Variants in SENP7 observed in about 807,000 individuals in gnomAD.
SENP7 encodes the protein sentrin-specific protease 7.
A neutral mutation model predicts 141.2 loss-of-function variants in SENP7; 64 were observed. That is an observed-to-expected ratio of 0.45 (90% CI 0.37 to 0.56). The LOEUF is 0.56. SENP7 is among the 20% of genes least tolerant of loss of function. SENP7 has a pLI of 0.00. For missense variants in SENP7, 1,025 were observed against 1,212.2 expected (o/e 0.85, Z 2.29); for synonymous variants, 382 against 426.4 (o/e 0.90, Z 1.28).
chr3:101,418,562 AGTG>A (rs1559796313), intron 4 of SENP7, among the ~76,000 whole-genome samples: 1 of 152,132 alleles, frequency 6.6e-6, no homozygotes, highest in Non-Finnish European at 1.5e-5. Context: ...TAATCAGAAG[AGTG>A]TCTATTTTAC....
chr3:101,469,830 CAAA>C, intron 3 of SENP7, among the ~76,000 whole-genome samples: 1 of 24,734 alleles, frequency 4.0e-5, no homozygotes, highest in African/African-American at 1.5e-4. Flanking sequence ...GACTCCGTCT[CAAA>C]AAAAAAAAAA....
chr3:101,473,571 T>TGGGGTTG (rs1184318580), intron 3 of SENP7, among the ~76,000 whole-genome samples: 1 of 152,234 alleles, frequency 6.6e-6, no homozygotes, highest in Non-Finnish European at 1.5e-5. Context: ...CTTGGCCCAC[T>TGGGGTTG]TTATAATGGG....
At chr3:101,384,852 G>C (rs546102563) in intron 6 of SENP7, among the ~76,000 whole-genome samples, 10 of 152,236 alleles carry the variant, frequency 6.6e-5, no homozygotes, top group African/African-American at 2.4e-4. Flanking sequence ...GCTTCCTGAG[G>C]TCTCCCCAGA....
At chr3:101,380,419 C>T (rs1166270893) in intron 6 of SENP7, among the ~76,000 whole-genome samples, 4 of 99,326 alleles carry the variant, frequency 4.0e-5, no homozygotes, top group Non-Finnish European at 5.8e-5. Context: ...TCTTCTAGAA[C>T]GTAAAGCAAA....
At chr3:101,355,270 C>T (rs1244873186) in intron 11 of SENP7, among the ~76,000 whole-genome samples, 1 of 152,148 alleles carries the variant, frequency 6.6e-6, no homozygotes, top group Admixed American at 6.6e-5. Context: ...ACATCCTCGT[C>T]ATGAAATCTT....
At chr3:101,373,381 C>G (rs894154441) in intron 6 of SENP7, among the ~76,000 whole-genome samples, 1 of 151,772 alleles carries the variant, frequency 6.6e-6, no homozygotes, top group East Asian at 1.9e-4. Context: ...AAAATGAAAA[C>G]CAAAAGAGAA....
At chr3:101,383,775 AGCATGAACTGCCTG>A (rs2060574082) in intron 6 of SENP7, among the ~76,000 whole-genome samples, 1 of 152,204 alleles carries the variant, frequency 6.6e-6, no homozygotes, top group Non-Finnish European at 1.5e-5. Flanking sequence ...GGCACCCCTC[AGCATGAACTGCCTG>A]GGCACTGGGG....
intron 3 of SENP7, among the ~76,000 whole-genome samples, chr3:101,485,142 C>G (rs1255081781): frequency 6.6e-6 from 1 of 151,966 alleles, no homozygotes; most frequent in East Asian, 1.9e-4. Flanking sequence ...CACGCCTAGC[C>G]CCACCTCCAC....
intron 2 of SENP7, among the ~76,000 whole-genome samples, chr3:101,496,851 T>C (rs1008153915): frequency 6.6e-6 from 1 of 152,218 alleles, no homozygotes; most frequent in African/African-American, 2.4e-5. Flanking sequence ...GTGCTGGGAT[T>C]ATAGGCATGA....
chr3:101,453,251 C>G (rs2107841870), intron 4 of SENP7, among the ~76,000 whole-genome samples: 1 of 152,332 alleles, frequency 6.6e-6, no homozygotes, highest in Middle Eastern at 3.4e-3. Flanking sequence ...AACTGGAATA[C>G]TTTTACACTG....
In SENP7 at chr3:101,459,059, A is replaced by G. The variant is rs2063460626; in HGVS notation, c.187-7T>C. On this transcript the variant is annotated splice_region_variant and splice_polypyrimidine_tract_variant and intron_variant, in intron 3 of 23. Coordinates refer to ENST00000394095, the MANE Select transcript of SENP7 (RefSeq NM_020654.5). ...TCCTTAGGCTTCTTTCCCACTAGGA[A>G]AAAAAAAATGAAATTTTAATAATAA... 1 of 1,472,192 alleles carries G rather than the reference A, an allele frequency of 6.8e-7. No homozygotes were observed. 91.2% of individuals were successfully genotyped at this position (1,472,192 alleles called of 1,614,324 possible). A position where few individuals can be genotyped will look rare whatever the true frequency, so the allele number is the denominator to read the frequency against.
chr3:101,459,019 G>A lies in SENP7; in HGVS notation c.220C>T (p.Leu74=), dbSNP rs2063457788. The A allele has an allele frequency of 6.9e-6, 11 of 1,605,302 alleles. No homozygotes were observed. Among genetic ancestry groups the A allele is most frequent in the Non-Finnish European group, 9.4e-6 (11 of 1,175,224 alleles). The stretch of plus-strand genomic sequence containing the variant: ...ATATGTTTTTTATTTTTATGGTCTA[G>A]AGAGATGACTTTATTCCTTAGGCTT... The part of the protein sequence containing the change: ...ERSLRNKVIS[L]DHKNKKHIRG... The change falls in exon 4 of 24, where the codon CTA becomes TTA. Residue 74 remains leucine, a synonymous_variant. Coordinates refer to ENST00000394095, the MANE Select transcript of SENP7 (RefSeq NM_020654.5).
chr3:101,364,825 A>G lies in SENP7; in HGVS notation c.1476+9T>C, dbSNP rs2059993523. ...ATTGTTAATCTATGAGAAGACAGAA[A>G]TAAATTACCTGTACAGATTCACATG... is the stretch of plus-strand genomic sequence containing the variant. On this transcript the variant is annotated intron_variant, in intron 10 of 23. Coordinates refer to ENST00000394095, the MANE Select transcript of SENP7 (RefSeq NM_020654.5). 1.2e-5 allele frequency: 19 copies of G among 1,551,288 alleles called. No individual in the cohort carries two copies. The highest frequency in any genetic ancestry group is 3.8e-5 in the Admixed American group (2 of 52,992).
chr3:101,461,300 C>A (rs901468277), intron 3 of SENP7, among the ~76,000 whole-genome samples: 2 of 151,966 alleles, frequency 1.3e-5, no homozygotes, highest in Non-Finnish European at 2.9e-5. Flanking sequence ...AATGTCCACA[C>A]CAAATGAAGA....
chr3:101,445,761 T>C (rs2062866581), intron 4 of SENP7, among the ~76,000 whole-genome samples: 1 of 151,988 alleles, frequency 6.6e-6, no homozygotes, highest in African/African-American at 2.4e-5. Context: ...TCAGACAAAA[T>C]AGACATTCAG....
In SENP7 at chr3:101,366,717, T is replaced by C. The variant is rs1188820607; in HGVS notation, c.1031A>G (p.Glu344Gly). ...TISTEFEKPS[E>G]NYHQDPKLPE... Reference sequence around the variant, plus strand: ...CAGTTTTGGATCCTGATGATAGTTTTCACTTGGCTTTTCAAACTCAGTGGA... The same window carrying C: ...CAGTTTTGGATCCTGATGATAGTTTCCACTTGGCTTTTCAAACTCAGTGGA... The change falls in exon 9 of 24, where the codon GAA becomes GGA. Residue 344 changes from glutamate (E) to glycine (G), a missense_variant. Coordinates refer to ENST00000394095, the MANE Select transcript of SENP7 (RefSeq NM_020654.5). The C allele has an allele frequency of 6.2e-7, 1 of 1,611,546 alleles. No individual in the cohort carries two copies.
chr3:101,512,899 G>A lies in SENP7; in HGVS notation c.40+192C>T, dbSNP rs1003885106. On this transcript the variant is annotated intron_variant, in intron 1 of 23. Coordinates refer to ENST00000394095, the MANE Select transcript of SENP7 (RefSeq NM_020654.5). ...GGTGAAGAGCGCCCGAGGCTTCGAT[G>A]ACAGCTCGGACCGGGTCTTCGACTC... 5.3e-5 allele frequency among the ~76,000 whole-genome samples: 8 copies of A among 152,210 alleles called. No homozygotes were observed. In the East Asian group the frequency reaches 1.6e-3, roughly 30 times the overall value.
At chr3:101,331,147 GC>G (rs2059038499) in intron 19 of SENP7, among the ~76,000 whole-genome samples, 3 of 151,980 alleles carry the variant, frequency 2.0e-5, no homozygotes, top group African/African-American at 7.2e-5. Context: ...CTATTAATTA[GC>G]TAGATTTTGT....
At chr3:101,416,146 G>GA (rs1237588021) in intron 5 of SENP7, among the ~76,000 whole-genome samples, 1 of 152,122 alleles carries the variant, frequency 6.6e-6, no homozygotes, top group Non-Finnish European at 1.5e-5. Context: ...TGGAGCTGAG[G>GA]AAAGAGGTCT....
Sources: allele counts gnomAD v4.1 joint callset (sites outside exome capture counted in the v4.1 genomes callset), GRCh38; gene constraint gnomAD v4.1.1; transcripts MANE v1.5; gene names NCBI Gene and HGNC (gene_info 2026-07-23, HGNC 2026-07-21).